The following DLG2 variants were observed in gnomAD, a reference collection of about 807,000 sequenced individuals.
The protein encoded by DLG2 is discs large MAGUK scaffold protein 2.
DLG2 carries 45 observed loss-of-function variants against 132.5 expected under a neutral mutation model. That is an observed-to-expected ratio of 0.34 (90% CI 0.27 to 0.44). DLG2 has a LOEUF of 0.44. DLG2 is among the 20% of genes least tolerant of loss of function. The pLI, the probability that DLG2 is intolerant of heterozygous loss-of-function variation, is 1.00. For synonymous variants in DLG2, 424 were observed against 419.6 expected (o/e 1.01, Z -0.13); for missense variants, 1,045 against 1,196.9 (o/e 0.87, Z 1.87).
rs1289526938 is a variant in DLG2, at chr11:84,219,555, A to G, written c.573+31683T>C. 5.3e-5 allele frequency among the ~76,000 whole-genome samples: 8 copies of G among 152,234 alleles called. No individual in the cohort carries two copies. In the South Asian group the frequency reaches 1.7e-3, roughly 31 times the overall value. ...AATTCGCATGAAATTGTAACAAATT[A>G]TTAGGGAAAAAGAAATGTGCATTGC... On this transcript the variant is annotated intron_variant, in intron 8 of 27. Transcript: ENST00000376104.
At chr11:84,803,793 C>T (rs1444799548) in intron 6 of DLG2, among the ~76,000 whole-genome samples, 3 of 152,218 alleles carry the variant, frequency 2.0e-5, no homozygotes, top group Non-Finnish European at 2.9e-5. Context: ...TTCTCTGCCA[C>T]ATCTTAAGTT....
chr11:83,972,258 G>A lies in DLG2; in HGVS notation c.1057-6790C>T, dbSNP rs549268883. 3.0e-4 allele frequency among the ~76,000 whole-genome samples: 46 copies of A among 152,056 alleles called. No individual in the cohort carries two copies. In the South Asian group the frequency reaches 8.5e-3, roughly 28 times the overall value. On this transcript the variant is annotated intron_variant, in intron 12 of 27. Transcript: ENST00000376104. ...ATCTGGTTTTAATTCCTAGTTTCAC[G>A]AATTTAAGTCAGTTAACATATTTAC...
chr11:84,211,832 C>G (rs2096759338), intron 8 of DLG2, among the ~76,000 whole-genome samples: 1 of 152,154 alleles, frequency 6.6e-6, no homozygotes, highest in Non-Finnish European at 1.5e-5. Context: ...TATATTCAGA[C>G]TTTTTTTGCT....
chr11:84,343,306 T>C (rs1206886963), intron 7 of DLG2, among the ~76,000 whole-genome samples: 1 of 152,208 alleles, frequency 6.6e-6, no homozygotes, highest in Admixed American at 6.5e-5. Flanking sequence ...ATGATTGCTA[T>C]TATAATTAGA....
At chr11:84,234,935 T>G (rs1490857474) in intron 8 of DLG2, among the ~76,000 whole-genome samples, 1 of 152,206 alleles carries the variant, frequency 6.6e-6, no homozygotes, top group Non-Finnish European at 1.5e-5. Flanking sequence ...AAGAGAGAAT[T>G]AACTAAGAGT....
intron 27 of DLG2, among the ~76,000 whole-genome samples, chr11:83,460,772 C>T (rs1211374277): frequency 6.6e-6 from 1 of 152,044 alleles, no homozygotes; most frequent in African/African-American, 2.4e-5. Context: ...GTATTGTATA[C>T]AAAATATAAA....
rs1446649837 is a variant in DLG2, at chr11:83,858,203, G to A, written c.1565+16217C>T. ...CAACTCAGGACTCTTCCCAAGCCCT[G>A]CTTGCTGCTGAAAATTACATGGAAG... On this transcript the variant is annotated intron_variant, in intron 16 of 27. Coordinates refer to ENST00000376104, the MANE Select transcript of DLG2 (RefSeq NM_001142699.3). Among the ~76,000 whole-genome samples, 4 of 152,134 alleles carry A rather than the reference G, an allele frequency of 2.6e-5. No individual in the cohort carries two copies. The East Asian group carries it at 7.7e-4, about 29-fold the overall frequency.
At chr11:84,349,056 T>A (rs1056988013) in intron 7 of DLG2, among the ~76,000 whole-genome samples, 1 of 152,162 alleles carries the variant, frequency 6.6e-6, no homozygotes, top group South Asian at 2.1e-4. Flanking sequence ...AACAAAGTAA[T>A]ACACATGGAA....
At chr11:84,116,509 T>C (rs2093640661) in intron 9 of DLG2, among the ~76,000 whole-genome samples, 1 of 152,176 alleles carries the variant, frequency 6.6e-6, no homozygotes, top group South Asian at 2.1e-4. Flanking sequence ...CACGAGAGCC[T>C]GTGCAGGGGA....
At chr11:84,956,693 A>G (rs894206800) in intron 6 of DLG2, among the ~76,000 whole-genome samples, 2 of 152,192 alleles carry the variant, frequency 1.3e-5, no homozygotes, top group Non-Finnish European at 2.9e-5. Context: ...TAACTCAGAG[A>G]ATCACAAAAC....
At chr11:84,099,385 A>G (rs557177608) in intron 9 of DLG2, among the ~76,000 whole-genome samples, 2 of 152,284 alleles carry the variant, frequency 1.3e-5, no homozygotes, top group South Asian at 2.1e-4. Context: ...CAACTGTAAA[A>G]ATTATACATT....
chr11:84,079,222 T>C (rs550244066), intron 10 of DLG2, among the ~76,000 whole-genome samples: 1 of 152,120 alleles, frequency 6.6e-6, no homozygotes, highest in Admixed American at 6.6e-5. Context: ...AACACCTTAG[T>C]TCAAGTTACA....
At chr11:83,537,000 C>T (rs746596598) in intron 20 of DLG2, among the ~76,000 whole-genome samples, 16 of 152,104 alleles carry the variant, frequency 1.1e-4, no homozygotes, top group Non-Finnish European at 2.2e-4. Flanking sequence ...TTGTGGACCA[C>T]CTGAAGAGAC....
At chr11:84,383,954 C>T (rs141556364) in intron 7 of DLG2, among the ~76,000 whole-genome samples, 75 of 151,736 alleles carry the variant, frequency 4.9e-4, no homozygotes, top group Middle Eastern at 3.4e-3. Context: ...TCATTGGGCT[C>T]CTACTGCACT....
chr11:85,011,536 G>C (rs1024710993), intron 6 of DLG2, among the ~76,000 whole-genome samples: 2 of 152,134 alleles, frequency 1.3e-5, no homozygotes, highest in Non-Finnish European at 2.9e-5. Flanking sequence ...AGTAAATATA[G>C]ATAAAAATAC....
intron 19 of DLG2, among the ~76,000 whole-genome samples, chr11:83,594,947 T>G (rs1249491916): frequency 6.6e-6 from 1 of 152,234 alleles, no homozygotes; most frequent in Non-Finnish European, 1.5e-5. Flanking sequence ...ACCACAGCAA[T>G]TAATGAAATT....
At chr11:85,018,358 A>AG (rs1342595075) in intron 6 of DLG2, among the ~76,000 whole-genome samples, 2 of 152,184 alleles carry the variant, frequency 1.3e-5, no homozygotes, top group African/African-American at 4.8e-5. Context: ...TGTACCTGGA[A>AG]GGGGGAAAAA....
intron 6 of DLG2, among the ~76,000 whole-genome samples, chr11:84,938,890 AC>A (rs1329702879): frequency 1.3e-5 from 2 of 152,180 alleles, no homozygotes; most frequent in African/African-American, 4.8e-5. Context: ...GATAAATATA[AC>A]CCTTTGTGTG....
chr11:83,906,029 G>T (rs2074620846), intron 15 of DLG2, among the ~76,000 whole-genome samples: 1 of 146,694 alleles, frequency 6.8e-6, no homozygotes, highest in Non-Finnish European at 1.5e-5. Flanking sequence ...TTGGAAGATT[G>T]CTATATCAGA....
Sources: allele counts gnomAD v4.1 joint callset (sites outside exome capture counted in the v4.1 genomes callset), GRCh38; gene constraint gnomAD v4.1.1; transcripts MANE v1.5; gene names NCBI Gene and HGNC (gene_info 2026-07-23, HGNC 2026-07-21).